The following ADAM18 variants were observed in gnomAD, a reference collection of about 807,000 sequenced individuals.
The protein encoded by ADAM18 is ADAM metallopeptidase domain 18.
Under a neutral mutation model 94.4 loss-of-function variants are expected in ADAM18, and 117 were observed. That is an observed-to-expected ratio of 1.24 (90% CI 1.07 to 1.45). The LOEUF is 1.45. ADAM18 is among the 40% of genes most tolerant of loss of function. The pLI, the probability that ADAM18 is intolerant of heterozygous loss-of-function variation, is 0.00. For synonymous variants in ADAM18, 327 were observed against 291.6 expected (o/e 1.12, Z -1.24); for missense variants, 936 against 880.0 (o/e 1.06, Z -0.81).
At chr8:39,676,517 G>A (rs1465157289) in intron 14 of ADAM18, among the ~76,000 whole-genome samples, 1 of 152,198 alleles carries the variant, frequency 6.6e-6, no homozygotes. Flanking sequence ...CAATATTTGG[G>A]TAGGAGTGCC....
chr8:39,650,928 C>G (rs145887248), intron 12 of ADAM18, among the ~76,000 whole-genome samples: 1 of 143,632 alleles, frequency 7.0e-6, no homozygotes. Flanking sequence ...GCTCAGCATA[C>G]AGAGGACCTG....
Position 39,696,801 on chromosome 8 carries a change from T to C in ADAM18, c.1902+4121T>C, listed in dbSNP as rs1038449225. 1.3e-5 allele frequency among the ~76,000 whole-genome samples: 2 copies of C among 151,540 alleles called. 1 individual carries two copies. Among genetic ancestry groups the C allele is most frequent in the Admixed American group, 1.3e-4 (2 of 15,184 alleles). ...AAGTTTTGTCCTCAGGAAGTATAAG[T>C]TATTCAACTTTATTCTTTCTTTGAA... On this transcript the variant is annotated intron_variant, in intron 17 of 19. Coordinates refer to ENST00000265707, the MANE Select transcript of ADAM18 (RefSeq NM_014237.3).
intron 2 of ADAM18, among the ~76,000 whole-genome samples, chr8:39,600,477 G>A (rs1336627645): frequency 6.6e-6 from 1 of 152,070 alleles, no homozygotes; most frequent in Non-Finnish European, 1.5e-5. Flanking sequence ...ATTGTTCTTT[G>A]TGGATTTAAA....
chr8:39,616,757 A>G (rs1454075321), intron 6 of ADAM18, among the ~76,000 whole-genome samples: 1 of 152,216 alleles, frequency 6.6e-6, no homozygotes, highest in African/African-American at 2.4e-5. Flanking sequence ...AACAATAACA[A>G]ACAACTGGGA....
chr8:39,622,384 C>T (rs1022562862), intron 6 of ADAM18, among the ~76,000 whole-genome samples: 2 of 150,582 alleles, frequency 1.3e-5, no homozygotes, highest in African/African-American at 4.9e-5. Context: ...AATGTGTTAA[C>T]CATAAAATGC....
At chr8:39,728,822 T>A (rs1405892825) in intron 19 of ADAM18, among the ~76,000 whole-genome samples, 6 of 152,332 alleles carry the variant, frequency 3.9e-5, no homozygotes, top group African/African-American at 1.2e-4. Flanking sequence ...ATTTTGTTTT[T>A]AAATATTGCA....
At chr8:39,698,126 G>A (rs1388944344) in intron 17 of ADAM18, among the ~76,000 whole-genome samples, 1 of 151,652 alleles carries the variant, frequency 6.6e-6, no homozygotes, top group Non-Finnish European at 1.5e-5. Context: ...AATCTCTCAA[G>A]CTTTCATTCT....
At chr8:39,624,063 C>G (rs1390119790) in intron 6 of ADAM18, among the ~76,000 whole-genome samples, 1 of 152,134 alleles carries the variant, frequency 6.6e-6, no homozygotes, top group Admixed American at 6.5e-5. Flanking sequence ...AGTCCTTTGT[C>G]AGATGCATGG....
intron 16 of ADAM18, among the ~76,000 whole-genome samples, chr8:39,691,414 T>C (rs1821775419): frequency 1.3e-5 from 2 of 152,126 alleles, no homozygotes; most frequent in South Asian, 4.1e-4. Context: ...AACAGTATGG[T>C]GTTTCTTCTA....
At chr8:39,721,648 A>G (rs1037080914) in intron 18 of ADAM18, among the ~76,000 whole-genome samples, 5 of 151,678 alleles carry the variant, frequency 3.3e-5, no homozygotes, top group Admixed American at 6.6e-5. Context: ...AGGCCAAAAA[A>G]CATATGAAGA....
chr8:39,628,154 A>G (rs966343320), intron 6 of ADAM18, among the ~76,000 whole-genome samples: 8 of 151,998 alleles, frequency 5.3e-5, no homozygotes, highest in Admixed American at 4.6e-4. Flanking sequence ...TTTCTCACTC[A>G]ACATTATTTC....
intron 12 of ADAM18, among the ~76,000 whole-genome samples, chr8:39,650,486 C>A (rs987473556): frequency 2.0e-5 from 3 of 152,074 alleles, no homozygotes; most frequent in African/African-American, 7.2e-5. Context: ...GTAGCTCTTC[C>A]TACACTAACA....
rs887062136 is a variant in ADAM18 at position 39,591,555 on chromosome 8, T to G, written c.132+6203T>G. Among the ~76,000 whole-genome samples, 5 of 152,194 alleles carry G rather than the reference T, an allele frequency of 3.3e-5. No individual in the cohort carries two copies. In the East Asian group the frequency reaches 7.7e-4, roughly 23 times the overall value. ...AAGTTTTATTATGAGATAGCAAAAT[T>G]TCAGTCATATCTTCAGCCTCCACTC... On this transcript the variant is annotated intron_variant, in intron 2 of 19. Transcript: ENST00000265707.
chr8:39,632,123 A>T (rs1012533836), intron 7 of ADAM18, among the ~76,000 whole-genome samples: 3 of 151,704 alleles, frequency 2.0e-5, no homozygotes, highest in Admixed American at 6.6e-5. Context: ...TTAATTTCAA[A>T]TTTTAATTTT....
At chr8:39,689,949 T>G in intron 16 of ADAM18, among the ~76,000 whole-genome samples, 1 of 152,208 alleles carries the variant, frequency 6.6e-6, no homozygotes. Flanking sequence ...ATTCTGTGTG[T>G]GTGTGCGGCA....
chr8:39,608,162 A>G (rs1293610117), intron 3 of ADAM18, among the ~76,000 whole-genome samples: 1 of 151,834 alleles, frequency 6.6e-6, no homozygotes, highest in Non-Finnish European at 1.5e-5. Flanking sequence ...TGGATTATAA[A>G]CCTCTGTATT....
chr8:39,717,693 T>G (rs1467698407), intron 18 of ADAM18, among the ~76,000 whole-genome samples: 1 of 151,658 alleles, frequency 6.6e-6, no homozygotes, highest in African/African-American at 2.4e-5. Flanking sequence ...ATTACATTGA[T>G]CTTGGCAATG....
chr8:39,723,936 G>A lies in ADAM18; in HGVS notation c.2177+29G>A, dbSNP rs775818777. On this transcript the variant is annotated intron_variant, in intron 19 of 19. Transcript: ENST00000265707. ...AATATGATATAGAATCAATGTATTA[G>A]GTTTAATTATCCTAGTCATTAACCA... The A allele has an allele frequency of 1.1e-5, 14 of 1,313,196 alleles. No individual in the cohort carries two copies. In the East Asian group the frequency reaches 3.5e-4, roughly 33 times the overall value. The allele number at this position is 1,313,196 out of a possible 1,614,324, so 81.3% of individuals were successfully genotyped here. A position where few individuals can be genotyped will look rare whatever the true frequency, so the allele number is the denominator to read the frequency against.
intron 6 of ADAM18, among the ~76,000 whole-genome samples, chr8:39,623,387 C>T (rs1033959003): frequency 6.6e-6 from 1 of 152,066 alleles, no homozygotes; most frequent in African/African-American, 2.4e-5. Flanking sequence ...TCTACTTTTA[C>T]TTCTTTGAGA....
Sources: allele counts gnomAD v4.1 joint callset (sites outside exome capture counted in the v4.1 genomes callset), GRCh38; gene constraint gnomAD v4.1.1; transcripts MANE v1.5; gene names NCBI Gene and HGNC (gene_info 2026-07-23, HGNC 2026-07-21).